PLIN2: variants seen among roughly 807,000 people sequenced by gnomAD.
PLIN2 encodes perilipin-2.
Under a neutral mutation model 30.6 loss-of-function variants are expected in PLIN2, and 33 were observed. The observed-to-expected ratio is 1.08, with a 90% CI of 0.82 to 1.44. PLIN2 has a LOEUF of 1.44. PLIN2 is among the 40% of genes most tolerant of loss of function. The pLI, the probability that PLIN2 is intolerant of heterozygous loss-of-function variation, is 0.00. For synonymous variants in PLIN2, 205 were observed against 201.1 expected (o/e 1.02, Z -0.16); for missense variants, 610 against 531.8 (o/e 1.15, Z -1.45).
At chr9:19,112,851 CT>C (rs1818175357), downstream of PLIN2, among the ~76,000 whole-genome samples, 2 of 152,126 alleles carry the variant, frequency 1.3e-5, no homozygotes, top group South Asian at 4.1e-4. Context: ...AAAGCAAGGG[CT>C]GCTGGTGCTC....
downstream of PLIN2, among the ~76,000 whole-genome samples, chr9:19,113,345 AT>A (rs1818181251): frequency 1.3e-5 from 2 of 151,636 alleles, no homozygotes; most frequent in Non-Finnish European, 2.9e-5. Context: ...AAAAAAAAAA[AT>A]TAAGAGGCAG....
Position 19,127,106 on chromosome 9 carries a change from C to A in PLIN2, c.-23+313G>T, listed in dbSNP as rs1818414523. On this transcript the variant is annotated intron_variant, in intron 1 of 7. Coordinates refer to ENST00000276914, the MANE Select transcript of PLIN2 (RefSeq NM_001122.4). This position sits in a 1 kb window ranked among gnomAD's most constrained non-coding sequence, Gnocchi z 4.3. ...ATGTCCCTTCGACAAATATTGTTTT[C>A]CCACAACCACCCAAGCAGGCCAAGG... Among the ~76,000 whole-genome samples, 1 of 152,170 alleles carries A rather than the reference C, an allele frequency of 6.6e-6. No individual in the cohort carries two copies. Among genetic ancestry groups the A allele is most frequent in the South Asian group, 2.1e-4 (1 of 4,826 alleles).
At chr9:19,119,961 C>T (rs1818289134) in intron 5 of PLIN2, 130 bp from the exon 6 acceptor site, 1 of 601,178 alleles carries the variant, frequency 1.7e-6, no homozygotes, top group African/African-American at 1.8e-5. Context: ...GTCATTTTTC[C>T]AAGACTGCTC....
Position 19,126,463 on chromosome 9 carries a change from C to T in PLIN2, c.-22-15G>A. ...GAGAAAGAAATCTGCAGAAAAGAGA[C>T]TTATTTCAGAACACCGGGATAAGAC... On this transcript the variant is annotated splice_polypyrimidine_tract_variant and intron_variant, in intron 1 of 7. Coordinates refer to ENST00000276914, the MANE Select transcript of PLIN2 (RefSeq NM_001122.4). The T allele has an allele frequency of 6.5e-7, 1 of 1,532,994 alleles. No homozygotes were observed. Among genetic ancestry groups the T allele is most frequent in the Non-Finnish European group, 9.0e-7 (1 of 1,108,062 alleles). The allele number at this position is 1,532,994 out of a possible 1,614,324, so 95.0% of individuals were successfully genotyped here. A position where few individuals can be genotyped will look rare whatever the true frequency, so the allele number is the denominator to read the frequency against.
chr9:19,120,975 C>T lies in PLIN2; in HGVS notation c.500G>A (p.Arg167Gln), dbSNP rs749874433. 26 of 1,614,020 alleles carry T rather than the reference C, an allele frequency of 1.6e-5. No individual in the cohort carries two copies. The highest frequency in any genetic ancestry group is 8.9e-5 in the East Asian group (4 of 44,900). Residue 167 changes from arginine (R) to glutamine (Q), a missense_variant, in exon 5 of 8, where the codon CGG becomes CAG. By Grantham distance (43) the Arg-to-Gln change is conservative. Coordinates refer to ENST00000276914, the MANE Select transcript of PLIN2 (RefSeq NM_001122.4). ...SGSINTVLGSRMMQLVSSGVE... is the reference protein window; with the variant it reads ...SGSINTVLGSQMMQLVSSGVE... The stretch of plus-strand genomic sequence containing the variant: ...GCCACTGCTCACGAGCTGCATCATC[C>T]GACTCCCCAAGACTGTGTTAATGCT...
At position 19,116,209 on chromosome 9, in the gene PLIN2, T is replaced by C. The variant is rs180935672; in HGVS notation, c.*39A>G. ...AATTTCAACATAACAAAAGGTGTCA[T>C]CTGTCTGGCCACAGCATGCACTAGT... On this transcript the variant is annotated 3_prime_UTR_variant, in exon 8 of 8. Transcript: ENST00000276914. 1,257 of 1,514,108 alleles carry C rather than the reference T, an allele frequency of 8.3e-4. 1 individual carries two copies. The highest frequency in any genetic ancestry group is 1.1e-3 in the Admixed American group (52 of 45,530). 93.8% of individuals were successfully genotyped at this position (1,514,108 alleles called of 1,614,324 possible).
At chr9:19,126,601 C>T (rs191029143) in intron 1 of PLIN2, among the ~76,000 whole-genome samples, 153 bp from the exon 2 acceptor site, 145 of 152,260 alleles carry the variant, frequency 9.5e-4, no homozygotes, top group Admixed American at 3.7e-3. Context: ...CTCTCCAGGT[C>T]CCCCTCCTGA....
At chr9:19,126,063 G>T (rs1818391680) in intron 3 of PLIN2, 51 bp downstream of exon 3, 1 of 1,502,518 alleles carries the variant, frequency 6.7e-7, no homozygotes, top group Non-Finnish European at 9.2e-7. Flanking sequence ...GAGCTCAGGG[G>T]CTCGCCACTG....
In PLIN2 at chr9:19,123,454, A is replaced by C. The variant is rs775351832; in HGVS notation, c.309+111T>G. 30 of 1,572,486 alleles carry C rather than the reference A, an allele frequency of 1.9e-5. 1 individual carries two copies. The Admixed American group carries it at 3.6e-4, about 19-fold the overall frequency. On this transcript the variant is annotated intron_variant, in intron 4 of 7. Coordinates refer to ENST00000276914, the MANE Select transcript of PLIN2 (RefSeq NM_001122.4). ...ATTTTTCAAACATACATCCAGATCC[A>C]GGTTGGGAAAACAAGTATTTGCCTG...
At chr9:19,123,397 A>G in intron 4 of PLIN2, 168 bp downstream of exon 4, 3 of 1,551,630 alleles carry the variant, frequency 1.9e-6, no homozygotes, top group East Asian at 2.4e-5. Context: ...ATACAACTTG[A>G]CAACAGTTCA....
chr9:19,113,057 G>T (rs1818177705), downstream of PLIN2, among the ~76,000 whole-genome samples: 1 of 151,908 alleles, frequency 6.6e-6, no homozygotes, highest in Admixed American at 6.6e-5. Context: ...AAGAAAGCAT[G>T]TGTGGCCAGG....
At chr9:19,120,370 C>T (rs370444287) in intron 5 of PLIN2, among the ~76,000 whole-genome samples, 4 of 152,206 alleles carry the variant, frequency 2.6e-5, no homozygotes, top group African/African-American at 7.2e-5. Flanking sequence ...TGAACTTGAG[C>T]GGCATGGTAC....
At chr9:19,115,138 C>T (rs1217177994), downstream of PLIN2, among the ~76,000 whole-genome samples, 1 of 152,152 alleles carries the variant, frequency 6.6e-6, no homozygotes, top group African/African-American at 2.4e-5. Context: ...TGACTAGGCC[C>T]TTTTACTGGT....
At position 19,127,091 on chromosome 9, in the gene PLIN2, G is replaced by A. The variant is rs550106775; in HGVS notation, c.-23+328C>T. Among the ~76,000 whole-genome samples, 4 of 152,078 alleles carry A rather than the reference G, an allele frequency of 2.6e-5. No individual in the cohort carries two copies. Among genetic ancestry groups the A allele is most frequent in the African/African-American group, 4.8e-5 (2 of 41,390 alleles). On this transcript the variant is annotated intron_variant, in intron 1 of 7. Transcript: ENST00000276914. The surrounding 1 kb of genome is among the most constrained non-coding windows in gnomAD (Gnocchi z 4.3). ...GTTTCCCTTTCGATAATGTCCCTTCGACAAATATTGTTTTCCCACAACCAC... is the reference window on the plus strand; with the variant it reads ...GTTTCCCTTTCGATAATGTCCCTTCAACAAATATTGTTTTCCCACAACCAC...
intron 4 of PLIN2, among the ~76,000 whole-genome samples, chr9:19,121,618 C>T (rs538830573): frequency 2.8e-4 from 42 of 152,096 alleles, no homozygotes; most frequent in Non-Finnish European, 4.7e-4. Flanking sequence ...ACCTGGCCCT[C>T]GGGGTGTTAT....
downstream of PLIN2, among the ~76,000 whole-genome samples, chr9:19,113,429 A>T (rs1438573395): frequency 6.6e-6 from 1 of 152,024 alleles, no homozygotes; most frequent in Non-Finnish European, 1.5e-5. Context: ...GAAACCCATA[A>T]ATCACAAAAG....
At chr9:19,114,566 G>A (rs564894141), downstream of PLIN2, among the ~76,000 whole-genome samples, 1 of 152,126 alleles carries the variant, frequency 6.6e-6, no homozygotes, top group East Asian at 1.9e-4. Context: ...ACCAGGCCAG[G>A]CTAATTTTTG....
intron 5 of PLIN2, among the ~76,000 whole-genome samples, chr9:19,120,057 T>G (rs1251672088): frequency 6.6e-6 from 1 of 151,706 alleles, no homozygotes; most frequent in African/African-American, 2.4e-5. Flanking sequence ...CCCACTAGAG[T>G]AAACTGCTTT....
At chr9:19,124,470 G>C (rs1323972425) in intron 3 of PLIN2, among the ~76,000 whole-genome samples, 1 of 152,108 alleles carries the variant, frequency 6.6e-6, no homozygotes, top group Non-Finnish European at 1.5e-5. Flanking sequence ...CCAAGTACTA[G>C]TACCAAATTC....
Sources: allele counts gnomAD v4.1 joint callset (sites outside exome capture counted in the v4.1 genomes callset), GRCh38; gene constraint gnomAD v4.1.1; non-coding constraint Gnocchi (gnomAD v3.1); transcripts MANE v1.5; gene names NCBI Gene and HGNC (gene_info 2026-07-23, HGNC 2026-07-21).